Variants in CUX2 observed in about 807,000 individuals in gnomAD.
CUX2 encodes homeobox protein cut-like 2.
CUX2 carries 40 observed loss-of-function variants against 144.8 expected under a neutral mutation model. The observed-to-expected ratio is 0.28, with a 90% CI of 0.21 to 0.36. CUX2 has a LOEUF of 0.36. CUX2 is among the 10% of genes least tolerant of loss of function. The pLI, the probability that CUX2 is intolerant of heterozygous loss-of-function variation, is 1.00. For missense variants in CUX2, 1,615 were observed against 1,994.0 expected, an observed-to-expected ratio of 0.81 and a Z score of 3.62; for synonymous variants, 827 against 875.6, an observed-to-expected ratio of 0.94 and a Z score of 0.98.
chr12:111,091,683 G>A (rs1872562181), intron 1 of CUX2, among the ~76,000 whole-genome samples: 1 of 152,174 alleles, frequency 6.6e-6, no homozygotes, highest in South Asian at 2.1e-4. Context: ...TTGTCCTCTC[G>A]TGGTTCTGGA....
At position 111,322,515 on chromosome 12, in the gene CUX2, G is replaced by A; in HGVS notation, c.2861G>A (p.Arg954His). 2 of 1,607,476 alleles carry A rather than the reference G, an allele frequency of 1.2e-6. No individual in the cohort carries two copies. The highest frequency in any genetic ancestry group is 1.7e-6 in the Non-Finnish European group (2 of 1,178,402). ...LTQKGREPFI[R>H]MQLWLSDQLG... ...CAGAAGGGGCGGGAGCCCTTCATCC[G>A]CATGCAGCTGTGGCTCTCTGACCAG... is the stretch of plus-strand genomic sequence containing the variant. Residue 954 changes from arginine (R) to histidine (H), a missense_variant, in exon 18 of 22, where the codon CGC (arginine) becomes CAC (histidine). Arg to His is a conservative substitution (Grantham distance 29). Coordinates refer to ENST00000261726, the MANE Select transcript of CUX2 (RefSeq NM_015267.4). The surrounding 1 kb of genome is among the most constrained non-coding windows in gnomAD (Gnocchi z 4.2).
intron 3 of CUX2, among the ~76,000 whole-genome samples, chr12:111,232,976 T>C (rs576562905): frequency 3.3e-5 from 5 of 152,286 alleles, no homozygotes; most frequent in African/African-American, 1.2e-4. Flanking sequence ...GGGACCTTCC[T>C]GGGGCTATGA....
chr12:111,081,555 C>G (rs1226061458), intron 1 of CUX2, among the ~76,000 whole-genome samples: 1 of 152,152 alleles, frequency 6.6e-6, no homozygotes, highest in African/African-American at 2.4e-5. Context: ...ACTCAGCCCC[C>G]ACCAAGACTC....
chr12:111,075,246 C>T (rs531698153), intron 1 of CUX2, among the ~76,000 whole-genome samples: 1 of 152,352 alleles, frequency 6.6e-6, no homozygotes, highest in East Asian at 1.9e-4. Flanking sequence ...CCGACCCTGT[C>T]TGCGCAGAGC....
intron 1 of CUX2, among the ~76,000 whole-genome samples, chr12:111,119,706 C>G (rs1290125991): frequency 6.6e-6 from 1 of 152,012 alleles, no homozygotes; most frequent in Non-Finnish European, 1.5e-5. Flanking sequence ...TCTCATGTAA[C>G]AACAAAAAAA....
intron 4 of CUX2, among the ~76,000 whole-genome samples, chr12:111,278,385 C>T (rs1884977501): frequency 6.6e-6 from 1 of 152,246 alleles, no homozygotes; most frequent in African/African-American, 2.4e-5. Context: ...TGTGCCACTG[C>T]ACTGTGGCCT....
At chr12:111,099,980 G>A (rs778227274) in intron 1 of CUX2, 43 of 457,286 alleles carry the variant, frequency 9.4e-5, no homozygotes, top group Non-Finnish European at 1.8e-4. Context: ...CGGCTTTATC[G>A]CAGCCTTTCG....
intron 1 of CUX2, among the ~76,000 whole-genome samples, chr12:111,195,679 C>T (rs895126298): frequency 6.6e-6 from 1 of 152,216 alleles, no homozygotes; most frequent in Middle Eastern, 3.2e-3. Context: ...TACTGGTAAT[C>T]ACCGTAGCTA....
At chr12:111,123,202 A>C (rs974439464) in intron 1 of CUX2, among the ~76,000 whole-genome samples, 1 of 152,126 alleles carries the variant, frequency 6.6e-6, no homozygotes, top group Admixed American at 6.5e-5. Context: ...CTTTTTTTTG[A>C]GACAGGGTCT....
chr12:111,263,774 G>C lies in CUX2; in HGVS notation c.236G>C (p.Ser79Thr), dbSNP rs754183436. The change falls in exon 4 of 22, where the codon AGT becomes ACT. Residue 79 changes from serine to threonine, a missense_variant. This residue lies in a region of CUX2 where 295 missense variants were observed against 400.2 expected (regional missense o/e 0.74). Coordinates refer to ENST00000261726, the MANE Select transcript of CUX2 (RefSeq NM_015267.4). The surrounding 1 kb of genome is among the most constrained non-coding windows in gnomAD (Gnocchi z 4.0). The stretch of plus-strand genomic sequence containing the variant: ...TTGTCTCCAAAGGTGGTGGCCCTTA[G>C]TAAGAGAAGTCAGGAGGCGGAGGCT... ...KSFQAEVVAL[S>T]KRSQEAEAAF... 3 of 1,613,960 alleles carry C rather than the reference G, an allele frequency of 1.9e-6. No homozygotes were observed. In the South Asian group the frequency reaches 3.3e-5, roughly 18 times the overall value.
At chr12:111,235,509 T>C (rs933697613) in intron 3 of CUX2, among the ~76,000 whole-genome samples, 3 of 151,608 alleles carry the variant, frequency 2.0e-5, no homozygotes, top group Admixed American at 6.6e-5. Flanking sequence ...GATCATGAGG[T>C]CGGGAGTTCG....
intron 1 of CUX2, among the ~76,000 whole-genome samples, chr12:111,163,045 CAAA>C (rs559797657): frequency 1.2e-4 from 13 of 112,896 alleles, no homozygotes; most frequent in Admixed American, 1.9e-4. Context: ...GACTCTGTCT[CAAA>C]AAAAAAAAAA....
At chr12:111,271,772 G>A (rs1884657862) in intron 4 of CUX2, among the ~76,000 whole-genome samples, 2 of 152,186 alleles carry the variant, frequency 1.3e-5, no homozygotes, top group Admixed American at 1.3e-4. Flanking sequence ...GAAATCTCTG[G>A]TTTATGTCTC....
intron 1 of CUX2, among the ~76,000 whole-genome samples, chr12:111,081,007 T>A (rs1322612897): frequency 6.6e-6 from 1 of 152,192 alleles, no homozygotes; most frequent in Non-Finnish European, 1.5e-5. Flanking sequence ...CTAAAATTAT[T>A]CAATACATAG....
rs574899744 is a variant in CUX2 at position 111,071,264 on chromosome 12, C to G, written c.63+37024C>G. ...GCAATGAATGCGTGTTCCTGTTGCT[C>G]CACATCTTTGCCAGCATTTAGTGTT... On this transcript the variant is annotated intron_variant, in intron 1 of 21. Coordinates refer to ENST00000261726, the MANE Select transcript of CUX2 (RefSeq NM_015267.4). Among the ~76,000 whole-genome samples the G allele has an allele frequency of 2.6e-5, 4 of 152,290 alleles. No homozygotes were observed. The South Asian group carries it at 8.3e-4, about 32-fold the overall frequency.
intron 18 of CUX2, among the ~76,000 whole-genome samples, chr12:111,330,730 T>TACATATACATATAC (rs1565926325): frequency 1.9e-5 from 1 of 51,584 alleles, no homozygotes; most frequent in Admixed American, 2.0e-4. Context: ...TATATATATA[T>TACATATACATATAC]ATATATATAT....
Position 111,061,412 on chromosome 12 carries a change from G to T in CUX2, c.63+27172G>T, listed in dbSNP as rs1380042401. 6.6e-6 allele frequency among the ~76,000 whole-genome samples: 1 copy of T among 152,128 alleles called. No individual in the cohort carries two copies. The highest frequency in any genetic ancestry group is 2.4e-5 in the African/African-American group (1 of 41,406). ...CATGGGCTGTAGAAGGGTTTTCGGGGAATCCCACGACTGCAAGTGAAAGAA... is the reference window on the plus strand; with the variant it reads ...CATGGGCTGTAGAAGGGTTTTCGGGTAATCCCACGACTGCAAGTGAAAGAA... On this transcript the variant is annotated intron_variant, in intron 1 of 21. Transcript: ENST00000261726. This position sits in a 1 kb window ranked among gnomAD's most constrained non-coding sequence, Gnocchi z 4.2.
chr12:111,133,625 T>C (rs1320270506), intron 1 of CUX2, among the ~76,000 whole-genome samples: 1 of 152,000 alleles, frequency 6.6e-6, no homozygotes, highest in African/African-American at 2.4e-5. Flanking sequence ...GAGATTTGGG[T>C]GGGGGCACAG....
chr12:111,272,692 G>A (rs1310883189), intron 4 of CUX2, among the ~76,000 whole-genome samples: 1 of 152,144 alleles, frequency 6.6e-6, no homozygotes. Flanking sequence ...TCGAACTCCC[G>A]ACTTCAGGTG....
Sources: allele counts gnomAD v4.1 joint callset (sites outside exome capture counted in the v4.1 genomes callset), GRCh38; gene constraint gnomAD v4.1.1; regional missense constraint gnomAD v4.1.1; non-coding constraint Gnocchi (gnomAD v3.1); transcripts MANE v1.5; gene names NCBI Gene and HGNC (gene_info 2026-07-23, HGNC 2026-07-21).